ARID1A: variants seen among roughly 807,000 people sequenced by gnomAD.
ARID1A encodes the protein AT-rich interaction domain 1A.
ARID1A carries 20 observed loss-of-function variants against 212.6 expected under a neutral mutation model. The ratio of observed to expected loss-of-function variants is 0.09; its 90% CI spans 0.07 to 0.14. The LOEUF is 0.14. Ranked by LOEUF, ARID1A falls within the 10% of genes least tolerant of loss-of-function variation. The pLI, the probability that ARID1A is intolerant of heterozygous loss-of-function variation, is 1.00. For synonymous variants in ARID1A, 1,376 were observed against 1,222.1 expected (o/e 1.13, Z -2.63); for missense variants, 2,587 against 3,059.0 (o/e 0.85, Z 3.64).
rs2124114937 is a variant in ARID1A at position 26,773,851 on chromosome 1, A to C, written c.4054A>C (p.Ser1352Arg). 1 of 1,614,202 alleles carries C rather than the reference A, an allele frequency of 6.2e-7. No individual in the cohort carries two copies. Among genetic ancestry groups the C allele is most frequent in the South Asian group, 1.1e-5 (1 of 91,084 alleles). Residue 1352 changes from serine to arginine, a missense_variant, in exon 17 of 20, where the codon AGC becomes CGC. Around this residue, in one of 11 missense-constraint regions of ARID1A, gnomAD observed 890 missense variants for 1,098.2 expected, o/e 0.81. Transcript: ENST00000324856. ...CTCCACCCAAGGCACCCCTTCTGGC[A>C]GCCCCTTCCCCAGCCAGCAGACTAC... ...QFSTQGTPSG[S>R]PFPSQQTTMY...
rs912438549 is a variant in ARID1A, at chr1:26,761,298, A to G, written c.2162-86A>G. The G allele has an allele frequency of 3.9e-6, 6 of 1,535,526 alleles. No homozygotes were observed. The Admixed American group carries it at 8.8e-5, about 22-fold the overall frequency. ...CTGGGAGGTACTTGGCCTCTTCATG[A>G]GCCATTTCTAGCTCTGAATTAACTT... On this transcript the variant is annotated intron_variant, in intron 5 of 19. Coordinates refer to ENST00000324856, the MANE Select transcript of ARID1A (RefSeq NM_006015.6).
chr1:26,707,630 A>G (rs764955171), intron 1 of ARID1A, among the ~76,000 whole-genome samples: 4 of 152,168 alleles, frequency 2.6e-5, no homozygotes, highest in African/African-American at 9.7e-5. Context: ...GGCGTGAGCC[A>G]CTGTGCCTGG....
Position 26,774,640 on chromosome 1 carries a change from T to A in ARID1A, c.4413T>A (p.Asn1471Lys), listed in dbSNP as rs2124119235. The A allele has an allele frequency of 6.2e-7, 1 of 1,614,188 alleles. No homozygotes were observed. The highest frequency in any genetic ancestry group is 1.1e-5 in the South Asian group (1 of 91,088). Residue 1471 changes from asparagine to lysine, a missense_variant, in exon 18 of 20, where the codon AAT (asparagine) becomes AAA (lysine). This residue lies in a region of ARID1A where 890 missense variants were observed against 1,098.2 expected (regional missense o/e 0.81). Transcript: ENST00000324856. This position sits in a 1 kb window ranked among gnomAD's most constrained non-coding sequence, Gnocchi z 5.6. ...GTGTCTCTGCACCCCCTGGCACCAA[T>A]GCCCAGCAAAACATGCCACCACAAA... ...RDRVSAPPGTNAQQNMPPQMM... is the reference protein window; with the variant it reads ...RDRVSAPPGTKAQQNMPPQMM...
chr1:26,733,927 C>T (rs542569218), intron 4 of ARID1A, among the ~76,000 whole-genome samples: 33 of 152,276 alleles, frequency 2.2e-4, no homozygotes, highest in Non-Finnish European at 3.1e-4. Flanking sequence ...CATGGATTCC[C>T]CTGAAGGTCT....
intron 4 of ARID1A, among the ~76,000 whole-genome samples, chr1:26,749,228 C>T (rs2080863943): frequency 6.6e-6 from 1 of 152,130 alleles, no homozygotes; most frequent in Non-Finnish European, 1.5e-5. Context: ...GTCTTGTGGA[C>T]TGCCCCGTGT....
intron 1 of ARID1A, among the ~76,000 whole-genome samples, chr1:26,724,785 A>G (rs1179206391): frequency 6.6e-6 from 1 of 152,140 alleles, no homozygotes; most frequent in Non-Finnish European, 1.5e-5. Flanking sequence ...GGAACTCCCT[A>G]TGCAAGGGGT....
chr1:26,716,234 A>T (rs1275206967), intron 1 of ARID1A, among the ~76,000 whole-genome samples: 5 of 151,962 alleles, frequency 3.3e-5, no homozygotes, highest in South Asian at 4.1e-4. Flanking sequence ...AAAGAAAAAA[A>T]CCTGTGAGTA....
Position 26,731,503 on chromosome 1 carries a change from C to G in ARID1A, c.1702C>G (p.Pro568Ala), listed in dbSNP as rs1244529496. Residue 568 changes from proline (P) to alanine (A), a missense_variant, in exon 3 of 20, where the codon CCA becomes GCA. Around this residue, in one of 11 missense-constraint regions of ARID1A, gnomAD observed 674 missense variants for 813.4 expected, o/e 0.83. Transcript: ENST00000324856. The stretch of plus-strand genomic sequence containing the variant: ...TTACCAGCAGCAGCAACCTCAGCAG[C>G]CAGCACCCTCGACGCTCTCCCAGCA... Reference protein sequence around the residue: ...SPYQQQQPQQPAPSTLSQQAA... With the variant: ...SPYQQQQPQQAAPSTLSQQAA... 2 of 1,613,942 alleles carry G rather than the reference C, an allele frequency of 1.2e-6. No homozygotes were observed. The highest frequency in any genetic ancestry group is 1.7e-6 in the Non-Finnish European group (2 of 1,179,994).
chr1:26,732,926 A>G, intron 4 of ARID1A, 134 bp downstream of exon 4: 1 of 736,714 alleles, frequency 1.4e-6, no homozygotes, highest in Non-Finnish European at 2.3e-6. Flanking sequence ...AAGGAACTTA[A>G]AGGCTGACTT....
chr1:26,748,515 G>T (rs2080857035), intron 4 of ARID1A, among the ~76,000 whole-genome samples: 1 of 151,730 alleles, frequency 6.6e-6, no homozygotes, highest in Non-Finnish European at 1.5e-5. Flanking sequence ...GCTTTACAGT[G>T]CTCTTACTTC....
chr1:26,731,453 A>C lies in ARID1A; in HGVS notation c.1652A>C (p.Tyr551Ser), dbSNP rs765337524. The change falls in exon 3 of 20, where the codon TAC becomes TCC. Residue 551 changes from tyrosine to serine, a missense_variant. Physicochemically the swap from Tyr to Ser is moderately radical, Grantham distance 144. Transcript: ENST00000324856. ...CAGCACCCCCAGAGCCAGCCCCCCT[A>C]CTCACAGCCACAGGCTCAGTCTCCT... ...TQQHPQSQPP[Y>S]SQPQAQSPYQ... is the part of the protein sequence containing the mutation. 6.2e-7 allele frequency: 1 copy of C among 1,612,368 alleles called. No homozygotes were observed.
At chr1:26,732,645 G>C (rs2080691566) in intron 3 of ARID1A, 31 bp from the exon 4 acceptor site, 1 of 1,538,958 alleles carries the variant, frequency 6.5e-7, no homozygotes. Context: ...TCAATACCAG[G>C]CCATCACAGC....
chr1:26,749,870 T>C (rs1041202535), intron 4 of ARID1A, among the ~76,000 whole-genome samples: 2 of 152,166 alleles, frequency 1.3e-5, no homozygotes, highest in African/African-American at 4.8e-5. Flanking sequence ...GCCCCTCCCT[T>C]GTGGAGGTCT....
intron 4 of ARID1A, among the ~76,000 whole-genome samples, chr1:26,756,602 A>C (rs36053809): frequency 0.066 from 9,969 of 151,582 alleles, 385 homozygotes; most frequent in Non-Finnish European, 0.081. Context: ...ACAAAAAAAA[A>C]CCCACAAAGA....
At chr1:26,728,165 T>C (rs1021651135) in intron 1 of ARID1A, among the ~76,000 whole-genome samples, 1 of 152,202 alleles carries the variant, frequency 6.6e-6, no homozygotes, top group South Asian at 2.1e-4. Flanking sequence ...TTGTACAGTT[T>C]AGAAACATGG....
In ARID1A at chr1:26,726,418, A is replaced by ACCTG. The variant is rs1292539397; in HGVS notation, c.1138-3229_1138-3226dup. 2.6e-5 allele frequency among the ~76,000 whole-genome samples: 4 copies of ACCTG among 150,992 alleles called. No individual in the cohort carries two copies. In the East Asian group the frequency reaches 7.9e-4, roughly 30 times the overall value. ...CCCAACTCCTGGCCTCAAGTGATCC[A>ACCTG]CCTGCCTTGGCCTCCCAAAGTGCTG... On this transcript the variant is annotated intron_variant, in intron 1 of 19. Transcript: ENST00000324856.
At chr1:26,761,924 G>A (rs1358134225) in intron 6 of ARID1A, among the ~76,000 whole-genome samples, 1 of 151,978 alleles carries the variant, frequency 6.6e-6, no homozygotes, top group Non-Finnish European at 1.5e-5. Flanking sequence ...ATTGTTCTTT[G>A]TCTTTTCAAA....
intron 1 of ARID1A, among the ~76,000 whole-genome samples, chr1:26,708,844 G>A (rs917985525): frequency 4.5e-4 from 68 of 151,594 alleles, no homozygotes; most frequent in African/African-American, 1.5e-3. Flanking sequence ...ACAGGTGCCC[G>A]CCACCACGCC....
intron 1 of ARID1A, among the ~76,000 whole-genome samples, chr1:26,700,721 C>CA (rs377129710): frequency 1.1e-3 from 168 of 152,342 alleles, no homozygotes; most frequent in African/African-American, 3.9e-3. Context: ...TCCTGGGAAA[C>CA]AGATACAGGA....
Sources: gnomAD v4.1 joint callset for allele counts (sites outside exome capture counted in the v4.1 genomes callset) on GRCh38, gnomAD v4.1.1 for gene constraint, gnomAD v4.1.1 regional missense constraint, Gnocchi (gnomAD v3.1) non-coding constraint, MANE v1.5 for transcripts, NCBI Gene and HGNC (gene_info 2026-07-23, HGNC 2026-07-21) for gene names.